Variants in EZH2 observed in about 807,000 individuals in gnomAD.
The protein encoded by EZH2 is enhancer of zeste 2 polycomb repressive complex 2 subunit, also known as histone-lysine N-methyltransferase EZH2.
A neutral mutation model predicts 98.4 loss-of-function variants in EZH2; 18 were observed. The observed-to-expected ratio is 0.18, with a 90% CI of 0.13 to 0.27. EZH2 has a LOEUF of 0.27. EZH2 is among the 10% of genes least tolerant of loss of function. The pLI, the probability that EZH2 is intolerant of heterozygous loss-of-function variation, is 1.00. For missense variants in EZH2, 470 were observed against 935.1 expected (o/e 0.50, Z 6.49); for synonymous variants, 338 against 312.3 (o/e 1.08, Z -0.87).
At chr7:148,865,451 A>C (rs1996996) in intron 1 of EZH2, among the ~76,000 whole-genome samples, 27,259 of 152,196 alleles carry the variant, frequency 0.18, 2,652 homozygotes, top group East Asian at 0.25. Context: ...TAAGTGAGCA[A>C]GAGACAGGTG....
At chr7:148,861,690 G>T (rs1443150857) in intron 1 of EZH2, among the ~76,000 whole-genome samples, 1 of 151,832 alleles carries the variant, frequency 6.6e-6, no homozygotes, top group African/African-American at 2.4e-5. Flanking sequence ...AGTGAGTGAG[G>T]GCAAGCGTGG....
At chr7:148,815,689 C>T in intron 12 of EZH2, 143 bp from the exon 13 acceptor site, 1 of 740,900 alleles carries the variant, frequency 1.3e-6, no homozygotes, top group Non-Finnish European at 2.3e-6. Flanking sequence ...TTTATATTTG[C>T]CATCAGTTTG....
Position 148,846,291 on chromosome 7 carries a change from A to C in EZH2, c.246+179T>G, listed in dbSNP as rs543983128. 2.0e-5 allele frequency among the ~76,000 whole-genome samples: 3 copies of C among 152,304 alleles called. No homozygotes were observed. The South Asian group carries it at 6.2e-4, about 32-fold the overall frequency. Reference sequence around the variant, plus strand: ...TATTCCAAACACTTAGAACTCTGTTATAGGAATAGCTAATAGTGTGATCTA... The same window carrying C: ...TATTCCAAACACTTAGAACTCTGTTCTAGGAATAGCTAATAGTGTGATCTA... On this transcript the variant is annotated intron_variant, in intron 3 of 19. Transcript: ENST00000320356.
intron 6 of EZH2, among the ~76,000 whole-genome samples, chr7:148,827,781 A>G (rs1487010232): frequency 2.0e-5 from 3 of 152,226 alleles, no homozygotes; most frequent in African/African-American, 4.8e-5. Flanking sequence ...GTGTAATCTT[A>G]TAAGTTACTT....
intron 8 of EZH2, among the ~76,000 whole-genome samples, chr7:148,825,237 A>G (rs1176755738): frequency 6.6e-6 from 1 of 152,230 alleles, no homozygotes; most frequent in Non-Finnish European, 1.5e-5. Context: ...AAGGGAAATT[A>G]AAATGAAATT....
At chr7:148,824,484 T>C (rs943124826) in intron 8 of EZH2, among the ~76,000 whole-genome samples, 1 of 152,198 alleles carries the variant, frequency 6.6e-6, no homozygotes, top group Non-Finnish European at 1.5e-5. Context: ...TACTTGCCAA[T>C]GTGTCACAAC....
intron 1 of EZH2, among the ~76,000 whole-genome samples, chr7:148,865,288 G>T (rs1818287481): frequency 6.6e-6 from 1 of 152,150 alleles, no homozygotes; most frequent in Non-Finnish European, 1.5e-5. Flanking sequence ...TTTTTGCTAA[G>T]AAGTCTATTT....
intron 8 of EZH2, among the ~76,000 whole-genome samples, chr7:148,826,116 T>C (rs1807618904): frequency 6.6e-6 from 1 of 152,142 alleles, no homozygotes; most frequent in Admixed American, 6.5e-5. Flanking sequence ...TTTAACACAA[T>C]TTATTCATCA....
intron 17 of EZH2, 137 bp from the exon 18 acceptor site, chr7:148,809,527 TTCAG>T (rs1250445849): frequency 8.4e-6 from 5 of 598,156 alleles, no homozygotes; most frequent in Non-Finnish European, 8.8e-6. Flanking sequence ...AGCAGCTTCA[TTCAG>T]TAAGAAATGA....
chr7:148,808,368 G>A (rs734004), intron 19 of EZH2, among the ~76,000 whole-genome samples: 1 of 152,114 alleles, frequency 6.6e-6, no homozygotes, highest in Non-Finnish European at 1.5e-5. Flanking sequence ...GCCTGAATAT[G>A]CAAGAACACA....
At chr7:148,817,489 G>A (rs970150068) in intron 10 of EZH2, 98 bp from the exon 11 acceptor site, 14 of 1,247,294 alleles carry the variant, frequency 1.1e-5, no homozygotes, top group South Asian at 3.0e-5. Context: ...AAAAGATGAG[G>A]ACAACTCAAA....
chr7:148,881,907 C>A (rs374709973), intron 1 of EZH2, among the ~76,000 whole-genome samples: 1 of 149,706 alleles, frequency 6.7e-6, no homozygotes, highest in Non-Finnish European at 1.5e-5. Context: ...GCACTCCAGC[C>A]TGGACGACAG....
intron 1 of EZH2, among the ~76,000 whole-genome samples, 160 bp from the exon 2 acceptor site, chr7:148,847,465 C>A (rs749456771): frequency 2.6e-5 from 4 of 152,172 alleles, no homozygotes; most frequent in Non-Finnish European, 5.9e-5. Context: ...ATGGTTAAAT[C>A]CTTAAAACAC....
chr7:148,817,815 C>T (rs2129471586), intron 10 of EZH2, 62 bp downstream of exon 10: 1 of 1,609,592 alleles, frequency 6.2e-7, no homozygotes, highest in South Asian at 1.1e-5. Context: ...ATTATACATC[C>T]TTAATCCTCA....
At chr7:148,813,052 T>TACACACACGCAC (rs944759975) in intron 15 of EZH2, among the ~76,000 whole-genome samples, 17 of 132,178 alleles carry the variant, frequency 1.3e-4, no homozygotes, top group South Asian at 9.5e-4. Flanking sequence ...ACACCCCACA[T>TACACACACGCAC]ACACACACAC....
intron 4 of EZH2, among the ~76,000 whole-genome samples, chr7:148,831,460 G>C (rs775411863): frequency 3.3e-5 from 5 of 152,150 alleles, no homozygotes; most frequent in Non-Finnish European, 5.9e-5. Flanking sequence ...ACGTATCTTA[G>C]TTACAATAAA....
intron 1 of EZH2, among the ~76,000 whole-genome samples, chr7:148,865,125 CAAAA>C (rs201434328): frequency 4.7e-4 from 43 of 92,396 alleles, no homozygotes; most frequent in African/African-American, 9.2e-4. Context: ...AGACTTGTCT[CAAAA>C]AAAAAAAAAA....
chr7:148,870,932 G>T (rs922042007), intron 1 of EZH2, among the ~76,000 whole-genome samples: 1 of 79,142 alleles, frequency 1.3e-5, no homozygotes, highest in African/African-American at 4.8e-5. Context: ...TTGTCTCAAA[G>T]AAAAAAAAAA....
chr7:148,869,782 A>T (rs1819072564), intron 1 of EZH2, among the ~76,000 whole-genome samples: 1 of 152,202 alleles, frequency 6.6e-6, no homozygotes, highest in South Asian at 2.1e-4. Context: ...TCCATTATTT[A>T]TTCATCTCAT....
Sources: allele counts gnomAD v4.1 joint callset (sites outside exome capture counted in the v4.1 genomes callset), GRCh38; gene constraint gnomAD v4.1.1; transcripts MANE v1.5; gene names NCBI Gene and HGNC (gene_info 2026-07-23, HGNC 2026-07-21).